COL23A1: variants seen among roughly 807,000 people sequenced by gnomAD.
COL23A1 encodes collagen type XXIII alpha 1 chain.
COL23A1 carries 97 observed loss-of-function variants against 99.3 expected under a neutral mutation model. That is an observed-to-expected ratio of 0.98 (90% CI 0.83 to 1.16). The LOEUF is 1.16. Among genes scored for constraint, COL23A1 ranks in the 50% most tolerant of loss-of-function variants. The pLI is 0.00. For synonymous variants in COL23A1, 320 were observed against 308.2 expected, an observed-to-expected ratio of 1.04 and a Z score of -0.40; for missense variants, 762 against 757.4, an observed-to-expected ratio of 1.01 and a Z score of -0.07.
intron 2 of COL23A1, among the ~76,000 whole-genome samples, chr5:178,436,414 G>A (rs1012047099): frequency 5.3e-5 from 8 of 152,118 alleles, no homozygotes; most frequent in African/African-American, 1.9e-4. Context: ...GGCTGCATTG[G>A]GGGGTGGGGT....
At chr5:178,291,196 G>A (rs966308911) in intron 3 of COL23A1, among the ~76,000 whole-genome samples, 11 of 152,304 alleles carry the variant, frequency 7.2e-5, no homozygotes, top group African/African-American at 2.6e-4. Flanking sequence ...ACCAGACCCC[G>A]AACCTCACTC....
intron 2 of COL23A1, among the ~76,000 whole-genome samples, chr5:178,370,387 T>A (rs1035735793): frequency 1.3e-5 from 2 of 152,012 alleles, no homozygotes; most frequent in Non-Finnish European, 2.9e-5. Context: ...CTGGAAGACA[T>A]GACGCTAAGT....
intron 2 of COL23A1, among the ~76,000 whole-genome samples, chr5:178,317,177 C>G (rs1759027383): frequency 6.6e-6 from 1 of 152,100 alleles, no homozygotes; most frequent in Admixed American, 6.6e-5. Flanking sequence ...TGCCTGCTTC[C>G]CCACCTGTCT....
chr5:178,450,265 CCTT>C (rs1184647205), intron 2 of COL23A1, among the ~76,000 whole-genome samples: 6 of 148,994 alleles, frequency 4.0e-5, no homozygotes, highest in African/African-American at 1.5e-4. Context: ...ATCGTTTTCC[CCTT>C]CTTCTATGGT....
In COL23A1 at chr5:178,490,760, C is replaced by A. The variant is rs189260290; in HGVS notation, c.361+69922G>T. On this transcript the variant is annotated intron_variant, in intron 2 of 28. Coordinates refer to ENST00000390654, the MANE Select transcript of COL23A1 (RefSeq NM_173465.4). ...CCACCGTACTCCAGCCTGGGTGACA[C>A]AGCGAGACCCTGTCTCAAAAGAAAA... Among the ~76,000 whole-genome samples the A allele has an allele frequency of 5.8e-4, 88 of 152,102 alleles. 1 individual carries two copies. In the Middle Eastern group the frequency reaches 0.01, roughly 18 times the overall value.
intron 8 of COL23A1, among the ~76,000 whole-genome samples, chr5:178,266,467 GGATTGGGAGGAGATCCACTCTTCAT>G (rs1180766924): frequency 6.6e-6 from 1 of 152,070 alleles, no homozygotes; most frequent in Non-Finnish European, 1.5e-5. Flanking sequence ...GAGGGTTGGG[GGATTGGGAGGAGATCCACTCTTCAT>G]GACCTCTGGG....
At chr5:178,248,726 C>T (rs945387956) in intron 19 of COL23A1, among the ~76,000 whole-genome samples, 6 of 152,236 alleles carry the variant, frequency 3.9e-5, no homozygotes, top group African/African-American at 1.4e-4. Flanking sequence ...TGATCACCCC[C>T]ACTTTGGAGG....
intron 2 of COL23A1, among the ~76,000 whole-genome samples, chr5:178,505,878 G>A (rs1374496347): frequency 1.3e-5 from 2 of 152,132 alleles, no homozygotes; most frequent in African/African-American, 4.8e-5. Flanking sequence ...GACAGAGCCT[G>A]TCAGTGAGGG....
intron 2 of COL23A1, among the ~76,000 whole-genome samples, chr5:178,489,534 A>G (rs1757815968): frequency 1.3e-5 from 2 of 150,706 alleles, no homozygotes; most frequent in Non-Finnish European, 2.9e-5. Context: ...CTGTTGGCTC[A>G]GTCCCTCTGG....
chr5:178,563,069 G>A (rs1762682515), intron 1 of COL23A1, among the ~76,000 whole-genome samples: 1 of 152,192 alleles, frequency 6.6e-6, no homozygotes, highest in Admixed American at 6.5e-5. Flanking sequence ...CAATACCAGG[G>A]CAGCCAGAGG....
intron 24 of COL23A1, 109 bp from the exon 25 acceptor site, chr5:178,246,077 C>A: frequency 7.2e-7 from 1 of 1,381,902 alleles, no homozygotes; most frequent in South Asian, 1.2e-5. Context: ...GGCAAGGAGA[C>A]CCACCAACCA....
intron 1 of COL23A1, among the ~76,000 whole-genome samples, chr5:178,561,477 G>A (rs1762556409): frequency 6.6e-6 from 1 of 152,158 alleles, no homozygotes; most frequent in Non-Finnish European, 1.5e-5. Flanking sequence ...GCAGGCTCCT[G>A]GCCCGATGGA....
chr5:178,381,179 G>C (rs1215640212), intron 2 of COL23A1, among the ~76,000 whole-genome samples: 1 of 152,234 alleles, frequency 6.6e-6, no homozygotes, highest in Non-Finnish European at 1.5e-5. Context: ...TGGTGACGTT[G>C]CCTTCAACAA....
chr5:178,502,348 G>C (rs544957209), intron 2 of COL23A1, among the ~76,000 whole-genome samples: 1 of 152,168 alleles, frequency 6.6e-6, no homozygotes, highest in Non-Finnish European at 1.5e-5. Context: ...AGCCAGGATG[G>C]TCTCGATCTT....
chr5:178,410,394 A>G (rs1282916693), intron 2 of COL23A1, among the ~76,000 whole-genome samples: 2 of 152,228 alleles, frequency 1.3e-5, no homozygotes, highest in Non-Finnish European at 1.5e-5. Flanking sequence ...ACGGAATAGC[A>G]AGAGGGCTTG....
chr5:178,447,826 G>A (rs1206462432), intron 2 of COL23A1, among the ~76,000 whole-genome samples: 1 of 152,186 alleles, frequency 6.6e-6, no homozygotes, highest in African/African-American at 2.4e-5. Context: ...AAGGCTGGTA[G>A]AGTACTGCCT....
At chr5:178,286,083 A>AC (rs1757135627) in intron 5 of COL23A1, among the ~76,000 whole-genome samples, 2 of 152,070 alleles carry the variant, frequency 1.3e-5, no homozygotes, top group African/African-American at 4.8e-5. Context: ...GAAGACGCCT[A>AC]CCTCCGTGTG....
intron 2 of COL23A1, among the ~76,000 whole-genome samples, chr5:178,455,298 C>T (rs573924246): frequency 2.6e-5 from 4 of 152,138 alleles, no homozygotes; most frequent in South Asian, 2.1e-4. Flanking sequence ...CTTTCCAACC[C>T]GTTTGGGAGG....
At chr5:178,392,585 T>C (rs980638486) in intron 2 of COL23A1, among the ~76,000 whole-genome samples, 7 of 152,186 alleles carry the variant, frequency 4.6e-5, no homozygotes, top group Non-Finnish European at 4.4e-5. Flanking sequence ...GCCTTCTTAC[T>C]GAGACACGAG....
Sources: gnomAD v4.1 joint callset for allele counts (sites outside exome capture counted in the v4.1 genomes callset) on GRCh38, gnomAD v4.1.1 for gene constraint, MANE v1.5 for transcripts, NCBI Gene and HGNC (gene_info 2026-07-23, HGNC 2026-07-21) for gene names.